Variants in LARP1B observed in about 807,000 individuals in gnomAD.
LARP1B encodes the protein La ribonucleoprotein 1B, also known as la-related protein 1B.
A neutral mutation model predicts 114.2 loss-of-function variants in LARP1B; 76 were observed. The ratio of observed to expected loss-of-function variants is 0.67; its 90% CI spans 0.55 to 0.81. LARP1B has a LOEUF of 0.81. Ranked by LOEUF, LARP1B falls within the 30% of genes least tolerant of loss-of-function variation. LARP1B has a pLI of 0.00. For synonymous variants in LARP1B, 345 were observed against 348.0 expected (o/e 0.99, Z 0.10); for missense variants, 1,014 against 1,075.8 (o/e 0.94, Z 0.80).
intron 11 of LARP1B, among the ~76,000 whole-genome samples, chr4:128,135,640 T>C (rs1166114708): frequency 6.6e-6 from 1 of 152,210 alleles, no homozygotes; most frequent in Non-Finnish European, 1.5e-5. Flanking sequence ...TTGAGGACTT[T>C]ATGCTAAGGG....
At position 128,074,466 on chromosome 4, in the gene LARP1B, G is replaced by T. The variant is rs536110266; in HGVS notation, c.-71G>T. 5.2e-5 allele frequency: 45 copies of T among 861,722 alleles called. No individual in the cohort carries two copies. In the Middle Eastern group the frequency reaches 1.8e-3, roughly 35 times the overall value. 53.4% of individuals were successfully genotyped at this position (861,722 alleles called of 1,614,324 possible). A position where few individuals can be genotyped will look rare whatever the true frequency, so the allele number is the denominator to read the frequency against. On this transcript the variant is annotated 5_prime_UTR_variant, in exon 2 of 20. Transcript: ENST00000326639. Reference sequence around the variant, plus strand: ...TTCTATATATTTTCTTTAGAATTCGGTTCCCTCAAAATTATAAAGGCAGGA... The same window carrying T: ...TTCTATATATTTTCTTTAGAATTCGTTTCCCTCAAAATTATAAAGGCAGGA...
intron 15 of LARP1B, among the ~76,000 whole-genome samples, chr4:128,192,609 A>G (rs1174205283): frequency 6.6e-6 from 1 of 152,206 alleles, no homozygotes; most frequent in Non-Finnish European, 1.5e-5. Flanking sequence ...GAATGGTTGT[A>G]TGGTACTTGA....
chr4:128,123,775 C>G (rs975484709), intron 11 of LARP1B: 1 of 872,892 alleles, frequency 1.1e-6, no homozygotes, highest in Admixed American at 6.2e-5. Context: ...TGCCAAGTAA[C>G]AAATTTGTAA....
intron 19 of LARP1B, 65 bp downstream of exon 19, chr4:128,207,448 CTTT>C: frequency 1.8e-6 from 2 of 1,089,590 alleles, no homozygotes; most frequent in Non-Finnish European, 2.5e-6. Flanking sequence ...TTATCAGTGA[CTTT>C]TTAAGCTTTA....
At chr4:128,072,208 C>T (rs1203851233) in intron 1 of LARP1B, among the ~76,000 whole-genome samples, 1 of 152,032 alleles carries the variant, frequency 6.6e-6, no homozygotes, top group Non-Finnish European at 1.5e-5. Context: ...GCCATGTTGG[C>T]CAGGCTGCTC....
chr4:128,199,185 T>C (rs1489278992), intron 15 of LARP1B, among the ~76,000 whole-genome samples: 3 of 152,252 alleles, frequency 2.0e-5, no homozygotes, highest in African/African-American at 4.8e-5. Context: ...TATTCAGTTA[T>C]CTGCTTCTGC....
intron 17 of LARP1B, among the ~76,000 whole-genome samples, chr4:128,201,418 T>G (rs1415042114): frequency 1.3e-5 from 2 of 152,204 alleles, no homozygotes. Flanking sequence ...CCAATTGATA[T>G]GTGCTTAGAG....
intron 1 of LARP1B, chr4:128,061,820 G>A (rs972104267): frequency 1.0e-6 from 1 of 984,774 alleles, no homozygotes; most frequent in Non-Finnish European, 1.2e-6. Context: ...GCCCGAATGT[G>A]AGGGCAAAGA....
At chr4:128,161,253 C>T (rs1403935384) in intron 11 of LARP1B, among the ~76,000 whole-genome samples, 1 of 152,120 alleles carries the variant, frequency 6.6e-6, no homozygotes, top group Non-Finnish European at 1.5e-5. Context: ...TTAAGTTCAC[C>T]TGTGGCCAAG....
At chr4:128,096,407 ATC>A (rs1389167546) in intron 7 of LARP1B, among the ~76,000 whole-genome samples, 3 of 152,176 alleles carry the variant, frequency 2.0e-5, no homozygotes, top group Admixed American at 2.0e-4. Context: ...TTATCTTTAT[ATC>A]TTGGGATTTG....
At position 128,093,424 on chromosome 4, in the gene LARP1B, G is replaced by A. The variant is rs1403485229; in HGVS notation, c.668+1912G>A. 2.0e-5 allele frequency among the ~76,000 whole-genome samples: 3 copies of A among 151,988 alleles called. No individual in the cohort carries two copies. In the East Asian group the frequency reaches 5.9e-4, roughly 30 times the overall value. Reference sequence around the variant, plus strand: ...ATCTTGGCTAACACAGTGAAACCCCGTCTCTACTAAAAATACAAAAAATTA... The same window carrying A: ...ATCTTGGCTAACACAGTGAAACCCCATCTCTACTAAAAATACAAAAAATTA... On this transcript the variant is annotated intron_variant, in intron 7 of 19. Transcript: ENST00000326639.
chr4:128,083,034 C>A (rs971212078), intron 5 of LARP1B, among the ~76,000 whole-genome samples: 3 of 151,912 alleles, frequency 2.0e-5, no homozygotes, highest in African/African-American at 7.3e-5. Flanking sequence ...GAGCATGCTG[C>A]CTTCAAGCAT....
intron 16 of LARP1B, among the ~76,000 whole-genome samples, chr4:128,200,100 A>T (rs1048349931): frequency 6.6e-6 from 1 of 152,230 alleles, no homozygotes; most frequent in Non-Finnish European, 1.5e-5. Context: ...AAAGAAAAAA[A>T]AATTTATTAT....
chr4:128,206,105 A>T (rs1437835168), intron 17 of LARP1B, among the ~76,000 whole-genome samples: 2 of 152,158 alleles, frequency 1.3e-5, no homozygotes, highest in Non-Finnish European at 2.9e-5. Context: ...AGCCTGGCCA[A>T]CATGGTGAAA....
intron 1 of LARP1B, among the ~76,000 whole-genome samples, chr4:128,068,703 C>A (rs986455238): frequency 6.6e-6 from 1 of 152,000 alleles, no homozygotes; most frequent in Non-Finnish European, 1.5e-5. Context: ...GTGAGCCTGG[C>A]CTGGCAGATT....
chr4:128,176,188 A>T (rs1745932567), intron 12 of LARP1B, among the ~76,000 whole-genome samples: 1 of 143,882 alleles, frequency 7.0e-6, no homozygotes, highest in Admixed American at 7.1e-5. Flanking sequence ...AAATATATAA[A>T]TATATTTTTA....
In LARP1B at chr4:128,074,959, A is replaced by C. The variant is rs776374874; in HGVS notation, c.8A>C (p.Asn3Thr). 3 of 1,607,016 alleles carry C rather than the reference A, an allele frequency of 1.9e-6. No individual in the cohort carries two copies. In the Admixed American group the frequency reaches 5.0e-5, roughly 27 times the overall value. Residue 3 changes from asparagine (N) to threonine (T), a missense_variant, in exon 3 of 20, where the codon AAT becomes ACT. Physicochemically the swap from Asn to Thr is moderately conservative, Grantham distance 65. Transcript: ENST00000326639. ...GCTAGTGATTTCAGTGATATGGAGA[A>C]TTGGCCAACACCAAGTGAATTAGTG... Reference protein sequence around the residue: MENWPTPSELVNT... With the variant: METWPTPSELVNT...
intron 19 of LARP1B, among the ~76,000 whole-genome samples, chr4:128,208,343 A>T (rs905260831): frequency 6.6e-6 from 1 of 151,456 alleles, no homozygotes; most frequent in African/African-American, 2.4e-5. Context: ...AAAAAAAAAA[A>T]GGGAAGAAGA....
At chr4:128,149,484 G>A (rs1175691770) in intron 11 of LARP1B, among the ~76,000 whole-genome samples, 1 of 152,148 alleles carries the variant, frequency 6.6e-6, no homozygotes, top group Non-Finnish European at 1.5e-5. Flanking sequence ...AAGGAATATC[G>A]TTTATTTTCT....
Sources: gnomAD v4.1 joint callset for allele counts (sites outside exome capture counted in the v4.1 genomes callset) on GRCh38, gnomAD v4.1.1 for gene constraint, MANE v1.5 for transcripts, NCBI Gene and HGNC (gene_info 2026-07-23, HGNC 2026-07-21) for gene names.